The following SDK1 variants were observed in gnomAD, a reference collection of about 807,000 sequenced individuals.
SDK1 encodes sidekick cell adhesion molecule 1.
Under a neutral mutation model 245.5 loss-of-function variants are expected in SDK1, and 157 were observed. The observed-to-expected ratio is 0.64, with a 90% CI of 0.56 to 0.73. SDK1 has a LOEUF of 0.73. SDK1 is among the 30% of genes least tolerant of loss of function. The probability of loss-of-function intolerance (pLI) is 0.00; values close to 1 mark genes in which losing one functional copy is unlikely to be tolerated. For missense variants in SDK1, 3,583 were observed against 3,002.3 expected (o/e 1.19, Z -4.52); for synonymous variants, 1,647 against 1,278.5 (o/e 1.29, Z -6.15).
At chr7:3,996,439 A>G (rs1160307443) in intron 14 of SDK1, among the ~76,000 whole-genome samples, 1 of 152,162 alleles carries the variant, frequency 6.6e-6, no homozygotes, top group Non-Finnish European at 1.5e-5. Context: ...ATCATGTTAA[A>G]CCTATAAATT....
At chr7:3,477,518 T>TC (rs1781385181) in intron 1 of SDK1, among the ~76,000 whole-genome samples, 1 of 145,188 alleles carries the variant, frequency 6.9e-6, no homozygotes, top group East Asian at 2.0e-4. Flanking sequence ...TCTTTTTTCT[T>TC]TTTTTTTTTT....
intron 1 of SDK1, among the ~76,000 whole-genome samples, chr7:3,552,443 GCTA>G (rs976406338): frequency 6.6e-6 from 1 of 152,116 alleles, no homozygotes; most frequent in African/African-American, 2.4e-5. Context: ...TTTGCCAGAG[GCTA>G]CTAGTTTCTC....
chr7:4,130,246 G>A, intron 27 of SDK1, 149 bp downstream of exon 27: 1 of 878,716 alleles, frequency 1.1e-6, no homozygotes, highest in Non-Finnish European at 1.7e-6. Flanking sequence ...TTGTTTTTCA[G>A]TCACTGAGCA....
intron 22 of SDK1, among the ~76,000 whole-genome samples, chr7:4,094,005 A>G (rs1283950569): frequency 6.6e-6 from 1 of 152,136 alleles, no homozygotes; most frequent in Non-Finnish European, 1.5e-5. Context: ...TGAAGCCCAT[A>G]CAATCCGGGG....
rs762327417 is a variant in SDK1, at chr7:3,933,448, C to G, written c.848-17475C>G. Reference sequence around the variant, plus strand: ...TTCGGACACGGGATGCTGTTCCATTCCTGGAGCTGTTTTGGAATGAACGCT... The same window carrying G: ...TTCGGACACGGGATGCTGTTCCATTGCTGGAGCTGTTTTGGAATGAACGCT... On this transcript the variant is annotated intron_variant, in intron 5 of 44. Transcript: ENST00000404826. 1.1e-4 allele frequency among the ~76,000 whole-genome samples: 17 copies of G among 152,230 alleles called. No individual in the cohort carries two copies. The Middle Eastern group carries it at 0.014, about 122-fold the overall frequency.
chr7:3,472,374 T>A (rs1376398076), intron 1 of SDK1, among the ~76,000 whole-genome samples: 2 of 150,202 alleles, frequency 1.3e-5, no homozygotes, highest in Admixed American at 1.3e-4. Context: ...TTAGGTGCTG[T>A]GAAGGAAATG....
intron 1 of SDK1, among the ~76,000 whole-genome samples, chr7:3,447,358 A>T (rs369003260): frequency 6.6e-6 from 1 of 152,166 alleles, no homozygotes; most frequent in Non-Finnish European, 1.5e-5. Context: ...TTAATCTCCA[A>T]CTGATGTTAA....
chr7:4,033,722 G>A (rs68189920), intron 17 of SDK1, among the ~76,000 whole-genome samples: 47,333 of 151,838 alleles, frequency 0.31, 11,278 homozygotes, highest in African/African-American at 0.67. Context: ...ACCTTATCAA[G>A]GTAACACATA....
At chr7:3,704,372 T>C (rs1021534853) in intron 4 of SDK1, among the ~76,000 whole-genome samples, 17 of 152,080 alleles carry the variant, frequency 1.1e-4, no homozygotes, top group African/African-American at 3.9e-4. Flanking sequence ...GATTTTTTTT[T>C]TTTTTACTTT....
intron 32 of SDK1, among the ~76,000 whole-genome samples, chr7:4,171,923 G>T (rs1396493842): frequency 6.6e-6 from 1 of 152,164 alleles, no homozygotes; most frequent in Non-Finnish European, 1.5e-5. Context: ...GGAACACAGG[G>T]GACTCAGACG....
intron 5 of SDK1, among the ~76,000 whole-genome samples, chr7:3,948,960 G>A (rs1020419091): frequency 3.3e-5 from 5 of 152,266 alleles, no homozygotes; most frequent in South Asian, 2.1e-4. Context: ...TTCTCCGGCC[G>A]TTTCTCCTCA....
At chr7:3,397,387 C>G (rs935057424) in intron 1 of SDK1, among the ~76,000 whole-genome samples, 23 of 151,584 alleles carry the variant, frequency 1.5e-4, no homozygotes, top group African/African-American at 5.6e-4. Flanking sequence ...GTGACAAATT[C>G]TCTCATTTTT....
intron 1 of SDK1, among the ~76,000 whole-genome samples, chr7:3,553,968 C>T (rs1039195277): frequency 6.6e-6 from 1 of 152,154 alleles, no homozygotes; most frequent in African/African-American, 2.4e-5. Context: ...GCTGCAAAGG[C>T]TCTGAAAATT....
At position 3,930,709 on chromosome 7, in the gene SDK1, C is replaced by G. The variant is rs1015651157; in HGVS notation, c.848-20214C>G. Among the ~76,000 whole-genome samples, 6 of 152,144 alleles carry G rather than the reference C, an allele frequency of 3.9e-5. No individual in the cohort carries two copies. The South Asian group carries it at 1.2e-3, about 32-fold the overall frequency. ...TTGGGAGGCTGAGGCAAGAGAATCA[C>G]TTAAAACTGGGAGGCGGAGGTTGCA... On this transcript the variant is annotated intron_variant, in intron 5 of 44. Coordinates refer to ENST00000404826, the MANE Select transcript of SDK1 (RefSeq NM_152744.4).
At chr7:3,489,316 C>A (rs372411309) in intron 1 of SDK1, among the ~76,000 whole-genome samples, 21 of 152,182 alleles carry the variant, frequency 1.4e-4, no homozygotes, top group Admixed American at 5.9e-4. Flanking sequence ...TCAGGTGTAA[C>A]TTAAGCATCT....
intron 1 of SDK1, among the ~76,000 whole-genome samples, chr7:3,502,183 CATT>C (rs1221757456): frequency 6.6e-6 from 1 of 151,836 alleles, no homozygotes; most frequent in Admixed American, 6.6e-5. Context: ...AGAATTTTGA[CATT>C]AGTAAAATTT....
chr7:3,485,279 G>A (rs1266480078), intron 1 of SDK1, among the ~76,000 whole-genome samples: 3 of 152,064 alleles, frequency 2.0e-5, no homozygotes, highest in Non-Finnish European at 4.4e-5. Flanking sequence ...TTCCCTAGAC[G>A]TGGTGGCCAT....
intron 1 of SDK1, among the ~76,000 whole-genome samples, chr7:3,616,250 C>G (rs1446241193): frequency 6.6e-6 from 1 of 152,106 alleles, no homozygotes; most frequent in Non-Finnish European, 1.5e-5. Context: ...GTACTTTTTA[C>G]AAGGTTATAA....
intron 35 of SDK1, among the ~76,000 whole-genome samples, chr7:4,188,375 C>G (rs1343130653): frequency 6.6e-6 from 1 of 152,172 alleles, no homozygotes; most frequent in Non-Finnish European, 1.5e-5. Context: ...CCAGCAAGGT[C>G]AAGGTTGTCT....
Sources: allele counts gnomAD v4.1 joint callset (sites outside exome capture counted in the v4.1 genomes callset), GRCh38; gene constraint gnomAD v4.1.1; transcripts MANE v1.5; gene names NCBI Gene and HGNC (gene_info 2026-07-23, HGNC 2026-07-21).